Variants in LPIN1 observed in about 807,000 individuals in gnomAD.
LPIN1 encodes the protein phosphatidate phosphatase LPIN1.
In LPIN1, 71 loss-of-function variants were observed where a neutral mutation model predicts 107.5. The ratio of observed to expected loss-of-function variants is 0.66; its 90% CI spans 0.55 to 0.80. The LOEUF (loss-of-function observed/expected upper bound fraction) is 0.80, where lower values mean the gene tolerates loss of function less well. Ranked by LOEUF, LPIN1 falls within the 30% of genes least tolerant of loss-of-function variation. The pLI is 0.00. For synonymous variants in LPIN1, 445 were observed against 452.6 expected (o/e 0.98, Z 0.21); for missense variants, 1,043 against 1,160.6 (o/e 0.90, Z 1.47).
At chr2:11,794,768 A>G (rs1676376325) in intron 13 of LPIN1, among the ~76,000 whole-genome samples, 1 of 152,182 alleles carries the variant, frequency 6.6e-6, no homozygotes, top group Admixed American at 6.5e-5. Context: ...TGGTTCAGAC[A>G]CAGTCTCCTT....
chr2:11,787,222 T>C (rs371908308), intron 11 of LPIN1, 55 bp downstream of exon 11: 59 of 1,182,676 alleles, frequency 5.0e-5, no homozygotes, highest in African/African-American at 3.0e-4. Flanking sequence ...TTCTGTTTCA[T>C]GTTTTCAAAT....
chr2:11,677,866 C>T (rs544540597), intron 1 of LPIN1: 6 of 715,500 alleles, frequency 8.4e-6, no homozygotes, highest in African/African-American at 3.5e-5. Context: ...TGTGCATTCA[C>T]GCTTCCCCAG....
intron 11 of LPIN1, among the ~76,000 whole-genome samples, chr2:11,787,881 C>T (rs995794643): frequency 6.7e-6 from 1 of 149,444 alleles, no homozygotes; most frequent in Non-Finnish European, 1.5e-5. Flanking sequence ...TCGGAAGTTG[C>T]AGTGAGCCAA....
upstream of LPIN1, chr2:11,746,138 TAAG>T (rs1049655513): frequency 5.9e-5 from 9 of 152,314 alleles, no homozygotes; most frequent in African/African-American, 1.9e-4. Context: ...GTGGAGAAGC[TAAG>T]AAGAGATGGC....
intron 20 of LPIN1, among the ~76,000 whole-genome samples, chr2:11,823,975 C>CT (rs1682003415): frequency 6.6e-6 from 1 of 152,124 alleles, no homozygotes; most frequent in Non-Finnish European, 1.5e-5. Flanking sequence ...GCTTTTTTCT[C>CT]TAAGACGTGT....
At chr2:11,792,160 G>C in intron 13 of LPIN1, 154 bp downstream of exon 13, 1 of 678,840 alleles carries the variant, frequency 1.5e-6, no homozygotes, top group Non-Finnish European at 2.6e-6. Flanking sequence ...GCGAGTGCTC[G>C]TGGAACGTGG....
chr2:11,820,649 A>G, intron 20 of LPIN1, 135 bp downstream of exon 20: 3 of 665,562 alleles, frequency 4.5e-6, no homozygotes, highest in Non-Finnish European at 8.1e-6. Flanking sequence ...GAAAAAATGT[A>G]TTTTAACTCC....
chr2:11,819,043 TACACAC>T (rs3037343), intron 18 of LPIN1: 76 of 156,186 alleles, frequency 4.9e-4, no homozygotes, highest in African/African-American at 1.2e-3. Context: ...TATACACACA[TACACAC>T]ACACACACAC....
At chr2:11,776,274 A>G (rs1672672725) in intron 6 of LPIN1, 81 bp downstream of exon 6, 1 of 810,504 alleles carries the variant, frequency 1.2e-6, no homozygotes, top group Non-Finnish European at 1.9e-6. Flanking sequence ...CTATTTTACC[A>G]TTAACCAAAT....
intron 8 of LPIN1, among the ~76,000 whole-genome samples, 172 bp downstream of exon 8, chr2:11,782,679 C>G (rs1207007666): frequency 6.6e-6 from 1 of 152,124 alleles, no homozygotes; most frequent in Non-Finnish European, 1.5e-5. Flanking sequence ...GGAATTTAGT[C>G]ATAGGAAATC....
chr2:11,763,618 A>T (rs1051072417), intron 1 of LPIN1, among the ~76,000 whole-genome samples: 1 of 151,798 alleles, frequency 6.6e-6, no homozygotes, highest in Non-Finnish European at 1.5e-5. Context: ...TGTTACGGTG[A>T]TGCTTTTTCT....
intron 1 of LPIN1, 128 bp downstream of exon 1, chr2:11,746,799 A>G: frequency 3.5e-6 from 1 of 288,254 alleles, no homozygotes; most frequent in Non-Finnish European, 5.2e-6. Flanking sequence ...CCGGGGCCCG[A>G]GGACCGACGG....
rs1196494015 is a variant in LPIN1, at chr2:11,824,752, A to G, written c.2742A>G (p.Pro914=). ...TCACCTTTTGGAGAGAGCCACTGCC[A>G]CCTTTTGAAAACCAGGACATTCATT... ...SNFTFWREPL[P]PFENQDIHSA... is the part of the protein sequence containing the mutation. The change falls in exon 21 of 21, where the codon CCA becomes CCG. Residue 914 remains proline, a synonymous_variant. Coordinates refer to ENST00000674199, the MANE Select transcript of LPIN1 (RefSeq NM_001349206.2). The G allele has an allele frequency of 3.1e-6, 5 of 1,614,038 alleles. No individual in the cohort carries two copies. Among genetic ancestry groups the G allele is most frequent in the African/African-American group, 1.3e-5 (1 of 74,922 alleles).
chr2:11,783,213 G>A (rs965988026), intron 8 of LPIN1, among the ~76,000 whole-genome samples: 1 of 152,214 alleles, frequency 6.6e-6, no homozygotes, highest in African/African-American at 2.4e-5. Flanking sequence ...AGTCATCATG[G>A]CCAGTGTCTG....
chr2:11,747,115 G>C (rs995714356), intron 1 of LPIN1, among the ~76,000 whole-genome samples: 4 of 152,254 alleles, frequency 2.6e-5, no homozygotes, highest in Non-Finnish European at 5.9e-5. Context: ...TTCCCCCGGA[G>C]TTAGGATTCC....
upstream of LPIN1, chr2:11,745,174 T>G (rs1359414467): frequency 6.6e-6 from 1 of 152,260 alleles, no homozygotes; most frequent in Non-Finnish European, 1.5e-5. Context: ...TGCCTTTGAG[T>G]ATCGCATCAC....
intron 14 of LPIN1, among the ~76,000 whole-genome samples, chr2:11,800,131 C>T (rs1046938173): frequency 1.6e-4 from 24 of 152,212 alleles, no homozygotes; most frequent in African/African-American, 5.1e-4. Flanking sequence ...ACAAGCCCTG[C>T]GTGAGTGGGA....
intron 6 of LPIN1, among the ~76,000 whole-genome samples, chr2:11,778,573 T>G (rs1348030985): frequency 6.6e-6 from 1 of 152,182 alleles, no homozygotes; most frequent in Non-Finnish European, 1.5e-5. Context: ...GAAGAATAGA[T>G]AAGGTCTGGG....
At chr2:11,691,083 G>A (rs373260970) in intron 1 of LPIN1, among the ~76,000 whole-genome samples, 1 of 120,270 alleles carries the variant, frequency 8.3e-6, no homozygotes, top group African/African-American at 4.5e-5. Flanking sequence ...ATCTTGTTGT[G>A]GTTTTTTTTT....
Sources: gnomAD v4.1 joint callset for allele counts (sites outside exome capture counted in the v4.1 genomes callset) on GRCh38, gnomAD v4.1.1 for gene constraint, MANE v1.5 for transcripts, NCBI Gene and HGNC (gene_info 2026-07-23, HGNC 2026-07-21) for gene names.